CSE1L: variants seen among roughly 807,000 people sequenced by gnomAD.
CSE1L encodes the protein chromosome segregation 1 like.
A neutral mutation model predicts 120.4 loss-of-function variants in CSE1L; 24 were observed. The ratio of observed to expected loss-of-function variants is 0.20; its 90% CI spans 0.14 to 0.28. CSE1L has a LOEUF of 0.28. Ranked by LOEUF, CSE1L falls within the 10% of genes least tolerant of loss-of-function variation. CSE1L has a pLI of 1.00. For missense variants in CSE1L, 830 were observed against 1,145.2 expected, an observed-to-expected ratio of 0.72 and a Z score of 3.97; for synonymous variants, 402 against 398.3, an observed-to-expected ratio of 1.01 and a Z score of -0.11.
At chr20:49,077,791 G>A (rs958799872) in intron 13 of CSE1L, among the ~76,000 whole-genome samples, 6 of 152,110 alleles carry the variant, frequency 3.9e-5, no homozygotes, top group Admixed American at 6.6e-5. Context: ...GGATCGTGAG[G>A]TCAAGAGATT....
Position 49,058,988 on chromosome 20 carries a change from G to C in CSE1L, c.85+440G>C, listed in dbSNP as rs6125531. On this transcript the variant is annotated intron_variant, in intron 2 of 24. Transcript: ENST00000262982. Reference sequence around the variant, plus strand: ...CTACTAAAAGTACAAAAAATTAGCCGGGCGTGGTGGCGGGTGCCTGTGGTC... The same window carrying C: ...CTACTAAAAGTACAAAAAATTAGCCCGGCGTGGTGGCGGGTGCCTGTGGTC... Among the ~76,000 whole-genome samples, 11 of 151,852 alleles carry C rather than the reference G, an allele frequency of 7.2e-5. No individual in the cohort carries two copies. The East Asian group carries it at 2.1e-3, about 29-fold the overall frequency.
intron 23 of CSE1L, 26 bp downstream of exon 23, chr20:49,094,312 G>T: frequency 6.3e-7 from 1 of 1,597,082 alleles, no homozygotes; most frequent in Middle Eastern, 1.7e-4. Flanking sequence ...TAATATTTTT[G>T]TAAGTTACAG....
intron 22 of CSE1L, among the ~76,000 whole-genome samples, chr20:49,093,685 G>GGCA (rs1369390286): frequency 6.6e-6 from 1 of 151,276 alleles, no homozygotes; most frequent in Non-Finnish European, 1.5e-5. Flanking sequence ...GGGAGGCTGA[G>GGCA]GCAGGTGGAT....
At position 49,089,133 on chromosome 20, in the gene CSE1L, G is replaced by GT. The variant is rs1037974126; in HGVS notation, c.1822-107dup. The GT allele has an allele frequency of 6.1e-5, 59 of 971,162 alleles. No homozygotes were observed. In the South Asian group the frequency reaches 7.1e-4, roughly 12 times the overall value. The allele number at this position is 971,162 out of a possible 1,614,324, so 60.2% of individuals were successfully genotyped here. The stretch of plus-strand genomic sequence containing the variant: ...GAACAAGCACTAGGGTATAATTGGT[G>GT]TTTTTTTCTTAATTTTGATTTTTAA... On this transcript the variant is annotated intron_variant, in intron 17 of 24. Transcript: ENST00000262982.
At chr20:49,064,585 G>A (rs1437386303) in intron 3 of CSE1L, among the ~76,000 whole-genome samples, 4 of 151,980 alleles carry the variant, frequency 2.6e-5, no homozygotes, top group Non-Finnish European at 4.4e-5. Context: ...GGTGGTGCAC[G>A]GCCTGTAGTC....
At position 49,096,458 on chromosome 20, in the gene CSE1L, C is replaced by G. The variant is rs1322591026; in HGVS notation, c.*20C>G. 6.4e-7 allele frequency: 1 copy of G among 1,570,024 alleles called. No homozygotes were observed. The highest frequency in any genetic ancestry group is 8.8e-7 in the Non-Finnish European group (1 of 1,139,880). On this transcript the variant is annotated 3_prime_UTR_variant, in exon 25 of 25. Transcript: ENST00000262982. ...CTTTAAACTGCATTTTTCTAATGGG[C>G]TAAACCCAGATGGTTTCCTAGGAAA...
At chr20:49,058,089 A>G (rs1052749803) in intron 1 of CSE1L, among the ~76,000 whole-genome samples, 1 of 152,052 alleles carries the variant, frequency 6.6e-6, no homozygotes, top group African/African-American at 2.4e-5. Context: ...GGCTTCTTTA[A>G]TAAGTTCCTC....
At chr20:49,065,124 C>G (rs1036330239) in intron 3 of CSE1L, among the ~76,000 whole-genome samples, 1 of 148,544 alleles carries the variant, frequency 6.7e-6, no homozygotes, top group Non-Finnish European at 1.5e-5. Flanking sequence ...TTGTGCTACC[C>G]TCCAGCCTGG....
At chr20:49,093,909 C>T (rs533671914) in intron 22 of CSE1L, among the ~76,000 whole-genome samples, 26 of 151,046 alleles carry the variant, frequency 1.7e-4, no homozygotes, top group Non-Finnish European at 3.4e-4. Flanking sequence ...AAGAGCGAAA[C>T]TCCGTCTCAA....
In CSE1L at chr20:49,078,554, TA is replaced by T; in HGVS notation, c.1421-6del. 1 of 1,564,762 alleles carries T rather than the reference TA, an allele frequency of 6.4e-7. No individual in the cohort carries two copies. Among genetic ancestry groups the T allele is most frequent in the Non-Finnish European group, 8.7e-7 (1 of 1,152,280 alleles). ...AAGTAACTGTGGCTTTCTGTTTTTT[TA>T]TATAGTGAATGAATTTCCTGTCCTT... On this transcript the variant is annotated splice_region_variant and splice_polypyrimidine_tract_variant and intron_variant, in intron 13 of 24. Transcript: ENST00000262982.
intron 14 of CSE1L, among the ~76,000 whole-genome samples, chr20:49,083,160 G>A (rs2092027615): frequency 6.6e-6 from 1 of 151,762 alleles, no homozygotes; most frequent in African/African-American, 2.4e-5. Context: ...GAGTAGCTGG[G>A]ACTACAGGCG....
chr20:49,067,303 A>G, intron 6 of CSE1L, 23 bp downstream of exon 6: 1 of 1,443,376 alleles, frequency 6.9e-7, no homozygotes, highest in East Asian at 2.3e-5. Context: ...TCTTGGTGAT[A>G]TTTTTAAATT....
At chr20:49,093,564 C>CTTTTTTTTTTTTTTTTTTTTTTT (rs11477256) in intron 22 of CSE1L, among the ~76,000 whole-genome samples, 5 of 117,586 alleles carry the variant, frequency 4.3e-5, no homozygotes, top group Non-Finnish European at 5.2e-5. Context: ...GCTCCTCTCT[C>CTTTTTTTTTTTTTTTTTTTTTTT]TTTTTTTTTT....
chr20:49,096,481 A>G lies in CSE1L; in HGVS notation c.*43A>G. 7.0e-7 allele frequency: 1 copy of G among 1,430,428 alleles called. No individual in the cohort carries two copies. Among genetic ancestry groups the G allele is most frequent in the Non-Finnish European group, 9.9e-7 (1 of 1,013,030 alleles). The allele number at this position is 1,430,428 out of a possible 1,614,324, so 88.6% of individuals were successfully genotyped here. On this transcript the variant is annotated 3_prime_UTR_variant, in exon 25 of 25. Transcript: ENST00000262982. ...GGCTAAACCCAGATGGTTTCCTAGG[A>G]AATCACAGGCTTCTGAGCACAGCTG...
intron 14 of CSE1L, among the ~76,000 whole-genome samples, chr20:49,081,551 A>T (rs1205093790): frequency 1.1e-4 from 16 of 152,328 alleles, no homozygotes; most frequent in African/African-American, 2.9e-4. Flanking sequence ...ATGGTATCTC[A>T]TTGCAGTTTT....
At chr20:49,054,993 C>T (rs2091795266) in intron 1 of CSE1L, among the ~76,000 whole-genome samples, 1 of 152,218 alleles carries the variant, frequency 6.6e-6, no homozygotes, top group Non-Finnish European at 1.5e-5. Flanking sequence ...CCGTGACTCC[C>T]TTCTTAATTT....
At position 49,063,275 on chromosome 20, in the gene CSE1L, C is replaced by A. The variant is rs746886192; in HGVS notation, c.159C>A (p.Ser53=). 1.3e-6 allele frequency: 2 copies of A among 1,583,690 alleles called. No individual in the cohort carries two copies. The highest frequency in any genetic ancestry group is 1.8e-5 in the Admixed American group (1 of 55,706). Reference sequence around the variant, plus strand: ...TGCTTTTGACATTACTGGAGAAGTCCCAGGATAATGTTATCAAAGTATGTG... The same window carrying A: ...TGCTTTTGACATTACTGGAGAAGTCACAGGATAATGTTATCAAAGTATGTG... ...PLLLLTLLEK[S]QDNVIKVCAS... Residue 53 remains serine, a synonymous_variant, in exon 3 of 25, where the codon TCC becomes TCA. Transcript: ENST00000262982.
intron 11 of CSE1L, 50 bp from the exon 12 acceptor site, chr20:49,075,268 G>A: frequency 7.2e-7 from 1 of 1,397,028 alleles, no homozygotes; most frequent in Non-Finnish European, 1.0e-6. Flanking sequence ...GGATCAGCTT[G>A]TTGGTGGTTG....
intron 12 of CSE1L, among the ~76,000 whole-genome samples, chr20:49,075,810 T>A (rs1477421470): frequency 6.6e-6 from 1 of 152,204 alleles, no homozygotes; most frequent in Non-Finnish European, 1.5e-5. Flanking sequence ...AGTTTCTTTA[T>A]TGTCTATTAG....
Sources: allele counts gnomAD v4.1 joint callset (sites outside exome capture counted in the v4.1 genomes callset), GRCh38; gene constraint gnomAD v4.1.1; transcripts MANE v1.5; gene names NCBI Gene and HGNC (gene_info 2026-07-23, HGNC 2026-07-21).